Variants in CACNB2 observed in about 807,000 individuals in gnomAD.
CACNB2 encodes calcium voltage-gated channel auxiliary subunit beta 2.
In CACNB2, 42 loss-of-function variants were observed where a neutral mutation model predicts 73.3. That is an observed-to-expected ratio of 0.57 (90% confidence interval 0.45 to 0.74). The LOEUF is 0.74. Ranked by LOEUF, CACNB2 falls within the 30% of genes least tolerant of loss-of-function variation. The pLI is 0.00. For missense variants in CACNB2, 940 were observed against 853.0 expected (o/e 1.10, Z -1.27); for synonymous variants, 348 against 310.3 (o/e 1.12, Z -1.28).
At chr10:18,143,117 C>G (rs563824030) in intron 1 of CACNB2, among the ~76,000 whole-genome samples, 1 of 152,320 alleles carries the variant, frequency 6.6e-6, no homozygotes, top group Admixed American at 6.5e-5. Flanking sequence ...AGGCGTAAAA[C>G]TGACAAAGCA....
chr10:18,533,414 A>T (rs568995482), intron 10 of CACNB2: 1 of 152,616 alleles, frequency 6.6e-6, no homozygotes, highest in East Asian at 1.9e-4. Flanking sequence ...ACTGAATGCC[A>T]TTTTCTCGGA....
intron 2 of CACNB2, among the ~76,000 whole-genome samples, chr10:18,256,043 G>A (rs1046939939): frequency 6.6e-6 from 1 of 152,060 alleles, no homozygotes; most frequent in Admixed American, 6.6e-5. Flanking sequence ...GACTGGCCAG[G>A]AATAAATCCC....
intron 3 of CACNB2, among the ~76,000 whole-genome samples, chr10:18,481,214 A>T (rs1312468145): frequency 2.5e-4 from 3 of 11,850 alleles, no homozygotes; most frequent in South Asian, 3.9e-3. Context: ...ATATATATAT[A>T]TATATATATA....
At chr10:18,355,628 C>G in intron 2 of CACNB2, among the ~76,000 whole-genome samples, 1 of 149,560 alleles carries the variant, frequency 6.7e-6, no homozygotes, top group East Asian at 2.0e-4. Flanking sequence ...TCTGATTTTT[C>G]TCTTTTTTTT....
chr10:18,364,238 G>T (rs1321858378), intron 2 of CACNB2, among the ~76,000 whole-genome samples: 1 of 135,788 alleles, frequency 7.4e-6, no homozygotes, highest in African/African-American at 2.7e-5. Flanking sequence ...ACAGGCATGA[G>T]CCGCGGTGCC....
intron 3 of CACNB2, among the ~76,000 whole-genome samples, chr10:18,421,666 A>T (rs1215022502): frequency 2.6e-5 from 4 of 152,132 alleles, no homozygotes; most frequent in Non-Finnish European, 5.9e-5. Context: ...ATCTTTGAAT[A>T]TATGATATGA....
chr10:18,309,346 T>C (rs1339145929), intron 2 of CACNB2, among the ~76,000 whole-genome samples: 1 of 152,198 alleles, frequency 6.6e-6, no homozygotes, highest in Non-Finnish European at 1.5e-5. Flanking sequence ...AGCCGGAGCT[T>C]GACTGGGAAG....
At chr10:18,147,051 G>A (rs1251229384) in intron 1 of CACNB2, among the ~76,000 whole-genome samples, 1 of 152,222 alleles carries the variant, frequency 6.6e-6, no homozygotes, top group Non-Finnish European at 1.5e-5. Context: ...AGACAACTTT[G>A]AGTGCACGGC....
chr10:18,399,534 G>A (rs552066330), intron 2 of CACNB2, among the ~76,000 whole-genome samples: 4 of 151,974 alleles, frequency 2.6e-5, no homozygotes, highest in Non-Finnish European at 5.9e-5. Context: ...AGGGAGGAAG[G>A]GTAGAAGGGA....
chr10:18,168,218 C>G (rs2032994923), intron 2 of CACNB2, among the ~76,000 whole-genome samples: 1 of 152,024 alleles, frequency 6.6e-6, no homozygotes, highest in Admixed American at 6.6e-5. Context: ...CCCAGGAGTT[C>G]AAGGCTGCAG....
intron 2 of CACNB2, among the ~76,000 whole-genome samples, chr10:18,303,313 G>A (rs2039599230): frequency 6.6e-6 from 1 of 152,174 alleles, no homozygotes; most frequent in Admixed American, 6.5e-5. Flanking sequence ...GAACAGCCTG[G>A]CCAGCATAGT....
intron 2 of CACNB2, among the ~76,000 whole-genome samples, chr10:18,217,694 G>A (rs2035569370): frequency 6.6e-6 from 1 of 151,422 alleles, no homozygotes; most frequent in African/African-American, 2.4e-5. Flanking sequence ...GCTTATCTAG[G>A]AGAACATTCC....
chr10:18,513,628 A>T, intron 6 of CACNB2: 1 of 299,088 alleles, frequency 3.3e-6, no homozygotes, highest in Non-Finnish European at 6.6e-6. Flanking sequence ...AAGTCACTCA[A>T]ATTCGCTTTT....
chr10:18,268,472 C>G (rs566529429), intron 2 of CACNB2, among the ~76,000 whole-genome samples: 3 of 152,098 alleles, frequency 2.0e-5, no homozygotes, highest in East Asian at 3.8e-4. Flanking sequence ...TATAGACTTA[C>G]GTAGAAGGAG....
intron 2 of CACNB2, among the ~76,000 whole-genome samples, chr10:18,356,959 T>TTTTTTTGAGACGGAG: frequency 7.2e-6 from 1 of 139,754 alleles, no homozygotes; most frequent in Admixed American, 7.3e-5. Context: ...TTTTTTTTTT[T>TTTTTTTGAGACGGAG]TTTGAGACGG....
At chr10:18,191,388 G>A (rs1022203429) in intron 2 of CACNB2, among the ~76,000 whole-genome samples, 3 of 152,200 alleles carry the variant, frequency 2.0e-5, no homozygotes, top group African/African-American at 7.2e-5. Context: ...TTGTTTCAGT[G>A]ATTGATGAAG....
intron 2 of CACNB2, among the ~76,000 whole-genome samples, chr10:18,298,275 A>G (rs758801394): frequency 6.6e-6 from 1 of 152,036 alleles, no homozygotes; most frequent in Non-Finnish European, 1.5e-5. Context: ...AGGCTGAGGC[A>G]GGAGAATCAC....
At chr10:18,345,984 A>G (rs939289329) in intron 2 of CACNB2, among the ~76,000 whole-genome samples, 1 of 152,200 alleles carries the variant, frequency 6.6e-6, no homozygotes, top group Non-Finnish European at 1.5e-5. Flanking sequence ...TTACATTGTC[A>G]GGGGCAGCAC....
chr10:18,456,738 A>G (rs1170640376), intron 3 of CACNB2, among the ~76,000 whole-genome samples: 1 of 152,190 alleles, frequency 6.6e-6, no homozygotes, highest in Non-Finnish European at 1.5e-5. Context: ...GAGTGGAATC[A>G]TATATTTGTC....
Sources: gnomAD v4.1 joint callset for allele counts (sites outside exome capture counted in the v4.1 genomes callset) on GRCh38, gnomAD v4.1.1 for gene constraint, MANE v1.5 for transcripts, NCBI Gene and HGNC (gene_info 2026-07-23, HGNC 2026-07-21) for gene names.